The following TMUB1 variants were observed in gnomAD, a reference collection of about 807,000 sequenced individuals.
TMUB1 encodes the protein transmembrane and ubiquitin like domain containing 1.
A neutral mutation model predicts 16.2 loss-of-function variants in TMUB1; 9 were observed. The ratio of observed to expected loss-of-function variants is 0.55; its 90% CI spans 0.33 to 0.97. TMUB1 has a LOEUF of 0.97. Among genes scored for constraint, TMUB1 ranks in the 50% least tolerant of loss-of-function variants. The pLI is 0.03. For synonymous variants in TMUB1, 155 were observed against 152.2 expected, an observed-to-expected ratio of 1.02 and a Z score of -0.13; for missense variants, 309 against 313.5, an observed-to-expected ratio of 0.99 and a Z score of 0.11.
chr7:151,081,514 G>A lies in TMUB1; in HGVS notation c.*35C>T. The A allele has an allele frequency of 6.6e-7, 1 of 1,509,530 alleles. No individual in the cohort carries two copies. Among genetic ancestry groups the A allele is most frequent in the Non-Finnish European group, 8.9e-7 (1 of 1,126,118 alleles). The allele number at this position is 1,509,530 out of a possible 1,614,324, so 93.5% of individuals were successfully genotyped here. A position where few individuals can be genotyped will look rare whatever the true frequency, so the allele number is the denominator to read the frequency against. ...CGCGGCGCGGGGAGCAAGGTCCGGAGGGGCCGGCGACGCTGCCAAGCGCCC... is the reference window on the plus strand; with the variant it reads ...CGCGGCGCGGGGAGCAAGGTCCGGAAGGGCCGGCGACGCTGCCAAGCGCCC... On this transcript the variant is annotated 3_prime_UTR_variant, in exon 3 of 3. Coordinates refer to ENST00000297533, the MANE Select transcript of TMUB1 (RefSeq NM_001136044.2). The surrounding 1 kb of genome is among the most constrained non-coding windows in gnomAD (Gnocchi z 7.6).
chr7:151,082,307 C>T lies in TMUB1; in HGVS notation c.257G>A (p.Ser86Asn), dbSNP rs1399702909. The change falls in exon 2 of 3, where the codon AGC (serine) becomes AAC (asparagine). Residue 86 changes from serine (S) to asparagine (N), a missense_variant. Transcript: ENST00000297533. The surrounding 1 kb of genome is among the most constrained non-coding windows in gnomAD (Gnocchi z 7.0). ...HRGQAAQPEP[S>N]TGFTATPPAP... ...TGGCGGTGTTGCTGTGAACCCCGTG[C>T]TGGGCTCTGGCTGTGCAGCTTGACC... 3.8e-6 allele frequency: 6 copies of T among 1,599,774 alleles called. No homozygotes were observed. Among genetic ancestry groups the T allele is most frequent in the Non-Finnish European group, 5.1e-6 (6 of 1,171,996 alleles).
Position 151,081,455 on chromosome 7 carries a change from G to A in TMUB1, c.*94C>T. 5 of 1,386,590 alleles carry A rather than the reference G, an allele frequency of 3.6e-6. No individual in the cohort carries two copies. Among genetic ancestry groups the A allele is most frequent in the South Asian group, 3.4e-5 (2 of 59,540 alleles). 85.9% of individuals were successfully genotyped at this position (1,386,590 alleles called of 1,614,324 possible). On this transcript the variant is annotated 3_prime_UTR_variant, in exon 3 of 3. Transcript: ENST00000297533. This position sits in a 1 kb window ranked among gnomAD's most constrained non-coding sequence, Gnocchi z 7.6. ...CCAGGGCGGCGGGAAGAGGCAGGCCGGAGAGGCGGGCCTGGGCAGGCAGCA... is the reference window on the plus strand; with the variant it reads ...CCAGGGCGGCGGGAAGAGGCAGGCCAGAGAGGCGGGCCTGGGCAGGCAGCA...
chr7:151,082,787 C>T lies in TMUB1; in HGVS notation c.-30-194G>A, dbSNP rs888037118. 2 of 410,420 alleles carry T rather than the reference C, an allele frequency of 4.9e-6. No homozygotes were observed. Among genetic ancestry groups the T allele is most frequent in the East Asian group, 3.6e-5 (1 of 27,738 alleles). 25.4% of individuals were successfully genotyped at this position (410,420 alleles called of 1,614,324 possible). ...GCCTCCGGGTGCCCCTTCCCATCGC[C>T]GAATCCCAAGTCCTAACTTTCTGTC... On this transcript the variant is annotated intron_variant, in intron 1 of 2. Coordinates refer to ENST00000297533, the MANE Select transcript of TMUB1 (RefSeq NM_001136044.2). This position sits in a 1 kb window ranked among gnomAD's most constrained non-coding sequence, Gnocchi z 7.0.
rs1797989875 is a variant in TMUB1 at position 151,081,633 on chromosome 7, GGGCCGGTACTGGATCT to G, written c.641_656del (p.Gln214ProfsTer5). ...CCAGAGTGGCGGTCAGGGGAAAGAA[GGGCCGGTACTGGATCT>G]GGCAGTACCAGAGCAGCAGCAACAG... On this transcript the variant is annotated frameshift_variant, in exon 3 of 3. Transcript: ENST00000297533. LOFTEE classifies it high-confidence loss of function. This position sits in a 1 kb window ranked among gnomAD's most constrained non-coding sequence, Gnocchi z 7.6. 5 of 1,602,110 alleles carry G rather than the reference GGGCCGGTACTGGATCT, an allele frequency of 3.1e-6. No individual in the cohort carries two copies. The East Asian group carries it at 1.1e-4, about 36-fold the overall frequency.
Position 151,082,955 on chromosome 7 carries a change from G to T in TMUB1, c.-30-362C>A, listed in dbSNP as rs560844770. 5.4e-6 allele frequency: 1 copy of T among 184,264 alleles called. No individual in the cohort carries two copies. Among genetic ancestry groups the T allele is most frequent in the Non-Finnish European group, 1.1e-5 (1 of 89,868 alleles). The allele number at this position is 184,264 out of a possible 1,614,324, so 11.4% of individuals were successfully genotyped here. A position where few individuals can be genotyped will look rare whatever the true frequency, so the allele number is the denominator to read the frequency against. On this transcript the variant is annotated intron_variant, in intron 1 of 2. Coordinates refer to ENST00000297533, the MANE Select transcript of TMUB1 (RefSeq NM_001136044.2). The surrounding 1 kb of genome is among the most constrained non-coding windows in gnomAD (Gnocchi z 7.0). ...CTATTCTCCTGCCCACTTCACCCCA[G>T]TGTGTCTACTCCTTCACCGACTTCA...
chr7:151,082,932 A>G lies in TMUB1; in HGVS notation c.-30-339T>C, dbSNP rs371573527. 87 of 211,686 alleles carry G rather than the reference A, an allele frequency of 4.1e-4. No homozygotes were observed. In the East Asian group the frequency reaches 6.6e-3, roughly 16 times the overall value. The allele number at this position is 211,686 out of a possible 1,614,324, so 13.1% of individuals were successfully genotyped here. ...CCAAACTTCACCCCCAAGCGTATCT[A>G]TTCTCCTGCCCACTTCACCCCAGTG... On this transcript the variant is annotated intron_variant, in intron 1 of 2. Coordinates refer to ENST00000297533, the MANE Select transcript of TMUB1 (RefSeq NM_001136044.2). This position sits in a 1 kb window ranked among gnomAD's most constrained non-coding sequence, Gnocchi z 7.0.
rs1254793528 is a variant in TMUB1 at position 151,082,276 on chromosome 7, C to T, written c.288G>A (p.Pro96=). 7 of 1,589,544 alleles carry T rather than the reference C, an allele frequency of 4.4e-6. No homozygotes were observed. Among genetic ancestry groups the T allele is most frequent in the East Asian group, 2.3e-5 (1 of 44,006 alleles). The change falls in exon 2 of 3, where the codon CCG becomes CCA. Residue 96 remains proline (P), a synonymous_variant. Transcript: ENST00000297533. The surrounding 1 kb of genome is among the most constrained non-coding windows in gnomAD (Gnocchi z 7.0). ...GCACGAGGGGCTCCTGCGGGGAGTC[C>T]GGGGCTGGCGGTGTTGCTGTGAACC... ...STGFTATPPA[P]DSPQEPLVLR... is the part of the protein sequence containing the mutation.
rs374619494 is a variant in TMUB1 at position 151,081,693 on chromosome 7, C to G, written c.597G>C (p.Leu199=). 6.3e-7 allele frequency: 1 copy of G among 1,583,622 alleles called. No individual in the cohort carries two copies. Among genetic ancestry groups the G allele is most frequent in the African/African-American group, 1.3e-5 (1 of 74,616 alleles). Residue 199 remains leucine (L), a synonymous_variant, in exon 3 of 3, where the codon CTG becomes CTC. Coordinates refer to ENST00000297533, the MANE Select transcript of TMUB1 (RefSeq NM_001136044.2). The surrounding 1 kb of genome is among the most constrained non-coding windows in gnomAD (Gnocchi z 7.6). ...GPSGLEIGSL[L]LPLLLLLLLL... ...GCAACAGCAGGAGCAGCAGGGGCAG[C>G]AGCAGGCTGCCGATTTCCAGCCCGG...
In TMUB1 at chr7:151,081,317, A is replaced by T; in HGVS notation, c.*232T>A. On this transcript the variant is annotated 3_prime_UTR_variant, in exon 3 of 3. Transcript: ENST00000297533. This position sits in a 1 kb window ranked among gnomAD's most constrained non-coding sequence, Gnocchi z 7.6. ...GCAGATGCCCGACCCCGAGGAGCCCACTCCCAGTGCGGGCTGAGGGTCAGC... is the reference window on the plus strand; with the variant it reads ...GCAGATGCCCGACCCCGAGGAGCCCTCTCCCAGTGCGGGCTGAGGGTCAGC... 1 of 655,612 alleles carries T rather than the reference A, an allele frequency of 1.5e-6. No individual in the cohort carries two copies. The highest frequency in any genetic ancestry group is 2.1e-6 in the Non-Finnish European group (1 of 486,210). The allele number at this position is 655,612 out of a possible 1,614,324, so 40.6% of individuals were successfully genotyped here. A position where few individuals can be genotyped will look rare whatever the true frequency, so the allele number is the denominator to read the frequency against.
Position 151,081,371 on chromosome 7 carries a change from C to T in TMUB1, c.*178G>A, listed in dbSNP as rs907282107. On this transcript the variant is annotated 3_prime_UTR_variant, in exon 3 of 3. Coordinates refer to ENST00000297533, the MANE Select transcript of TMUB1 (RefSeq NM_001136044.2). This position sits in a 1 kb window ranked among gnomAD's most constrained non-coding sequence, Gnocchi z 7.6. ...CCCGGGAGGTGGCCCCGAGCCCCGG[C>T]GGTCGCAGGGCGGGGCCTCCGCCAG... is the stretch of plus-strand genomic sequence containing the variant. The T allele has an allele frequency of 5.2e-6, 6 of 1,146,268 alleles. No homozygotes were observed. In the South Asian group the frequency reaches 1.9e-4, roughly 37 times the overall value. 71.0% of individuals were successfully genotyped at this position (1,146,268 alleles called of 1,614,324 possible).
rs984727049 is a variant in TMUB1, at chr7:151,082,075, G to A, written c.389+100C>T. ...TGATCTGGGGCGCTCAGCGCCTCCAGTATAAAGGAGGGCTGGGTCTTAGGT... is the reference window on the plus strand; with the variant it reads ...TGATCTGGGGCGCTCAGCGCCTCCAATATAAAGGAGGGCTGGGTCTTAGGT... On this transcript the variant is annotated intron_variant, in intron 2 of 2. Transcript: ENST00000297533. The surrounding 1 kb of genome is among the most constrained non-coding windows in gnomAD (Gnocchi z 7.0). 2.8e-6 allele frequency: 4 copies of A among 1,449,896 alleles called. No homozygotes were observed. In the South Asian group the frequency reaches 4.4e-5, roughly 16 times the overall value. The allele number at this position is 1,449,896 out of a possible 1,614,324, so 89.8% of individuals were successfully genotyped here. A position where few individuals can be genotyped will look rare whatever the true frequency, so the allele number is the denominator to read the frequency against.
chr7:151,081,447 G>A lies in TMUB1; in HGVS notation c.*102C>T. 2.2e-6 allele frequency: 3 copies of A among 1,376,580 alleles called. No individual in the cohort carries two copies. Among genetic ancestry groups the A allele is most frequent in the Non-Finnish European group, 2.8e-6 (3 of 1,065,294 alleles). The allele number at this position is 1,376,580 out of a possible 1,614,324, so 85.3% of individuals were successfully genotyped here. On this transcript the variant is annotated 3_prime_UTR_variant, in exon 3 of 3. Transcript: ENST00000297533. The surrounding 1 kb of genome is among the most constrained non-coding windows in gnomAD (Gnocchi z 7.6). ...GCTGGGCTCCAGGGCGGCGGGAAGA[G>A]GCAGGCCGGAGAGGCGGGCCTGGGC...
rs1797980270 is a variant in TMUB1, at chr7:151,081,392, G to A, written c.*157C>T. ...CCGGCGGTCGCAGGGCGGGGCCTCC[G>A]CCAGTCCCGGGAGTCCTCTGCGGCG... is the stretch of plus-strand genomic sequence containing the variant. On this transcript the variant is annotated 3_prime_UTR_variant, in exon 3 of 3. Coordinates refer to ENST00000297533, the MANE Select transcript of TMUB1 (RefSeq NM_001136044.2). This position sits in a 1 kb window ranked among gnomAD's most constrained non-coding sequence, Gnocchi z 7.6. The A allele has an allele frequency of 7.4e-6, 9 of 1,220,008 alleles. No individual in the cohort carries two copies. The highest frequency in any genetic ancestry group is 3.2e-5 in the African/African-American group (2 of 62,892). The allele number at this position is 1,220,008 out of a possible 1,614,324, so 75.6% of individuals were successfully genotyped here.
Position 151,082,085 on chromosome 7 carries a change from G to C in TMUB1, c.389+90C>G. On this transcript the variant is annotated intron_variant, in intron 2 of 2. Coordinates refer to ENST00000297533, the MANE Select transcript of TMUB1 (RefSeq NM_001136044.2). The surrounding 1 kb of genome is among the most constrained non-coding windows in gnomAD (Gnocchi z 7.0). ...CGCTCAGCGCCTCCAGTATAAAGGA[G>C]GGCTGGGTCTTAGGTGTCTCTGGGG... is the stretch of plus-strand genomic sequence containing the variant. 2.0e-6 allele frequency: 3 copies of C among 1,464,428 alleles called. No homozygotes were observed. Among genetic ancestry groups the C allele is most frequent in the Non-Finnish European group, 2.7e-6 (3 of 1,104,356 alleles). 90.7% of individuals were successfully genotyped at this position (1,464,428 alleles called of 1,614,324 possible).
chr7:151,081,940 G>A lies in TMUB1; in HGVS notation c.390-40C>T. 2 of 1,453,616 alleles carry A rather than the reference G, an allele frequency of 1.4e-6. No homozygotes were observed. The highest frequency in any genetic ancestry group is 9.1e-7 in the Non-Finnish European group (1 of 1,103,956). 90.0% of individuals were successfully genotyped at this position (1,453,616 alleles called of 1,614,324 possible). Reference sequence around the variant, plus strand: ...ACCTGGGTAAGAGAGCAGGCCTCAGGCAATCCTAGTCCCTGGCCCCGGAAC... The same window carrying A: ...ACCTGGGTAAGAGAGCAGGCCTCAGACAATCCTAGTCCCTGGCCCCGGAAC... On this transcript the variant is annotated intron_variant, in intron 2 of 2. Coordinates refer to ENST00000297533, the MANE Select transcript of TMUB1 (RefSeq NM_001136044.2). The surrounding 1 kb of genome is among the most constrained non-coding windows in gnomAD (Gnocchi z 7.6).
chr7:151,082,018 G>T lies in TMUB1; in HGVS notation c.390-118C>A. The T allele has an allele frequency of 7.2e-7, 1 of 1,388,878 alleles. No homozygotes were observed. The highest frequency in any genetic ancestry group is 9.6e-7 in the Non-Finnish European group (1 of 1,044,834). The allele number at this position is 1,388,878 out of a possible 1,614,324, so 86.0% of individuals were successfully genotyped here. Reference sequence around the variant, plus strand: ...ACAACACACCGGCCCTGGCCTGGGAGGGGCCGTCTGCCAGGGGAACAAGTA... The same window carrying T: ...ACAACACACCGGCCCTGGCCTGGGATGGGCCGTCTGCCAGGGGAACAAGTA... On this transcript the variant is annotated intron_variant, in intron 2 of 2. Transcript: ENST00000297533. The surrounding 1 kb of genome is among the most constrained non-coding windows in gnomAD (Gnocchi z 7.0).
Position 151,081,923 on chromosome 7 carries a change from A to G in TMUB1, c.390-23T>C. ...GTCCTGAGGAGAGAGGGACCTGGGT[A>G]AGAGAGCAGGCCTCAGGCAATCCTA... On this transcript the variant is annotated intron_variant, in intron 2 of 2. Transcript: ENST00000297533. The surrounding 1 kb of genome is among the most constrained non-coding windows in gnomAD (Gnocchi z 7.6). 2.1e-5 allele frequency: 31 copies of G among 1,464,478 alleles called. No individual in the cohort carries two copies. Among genetic ancestry groups the G allele is most frequent in the Non-Finnish European group, 2.8e-5 (31 of 1,110,612 alleles). The allele number at this position is 1,464,478 out of a possible 1,614,324, so 90.7% of individuals were successfully genotyped here.
rs1032131827 is a variant in TMUB1, at chr7:151,082,345, G to C, written c.219C>G (p.Ser73Arg). ...RGEAPGAETP[S>R]LRHRGQAAQP... Reference sequence around the variant, plus strand: ...GTGCAGCTTGACCTCTGTGTCTCAGGCTGGGGGTCTCTGCCCCTGGGGCCT... The same window carrying C: ...GTGCAGCTTGACCTCTGTGTCTCAGCCTGGGGGTCTCTGCCCCTGGGGCCT... The change falls in exon 2 of 3, where the codon AGC (serine) becomes AGG (arginine). Residue 73 changes from serine (S) to arginine (R), a missense_variant. Transcript: ENST00000297533. The surrounding 1 kb of genome is among the most constrained non-coding windows in gnomAD (Gnocchi z 7.0). 3.8e-6 allele frequency: 6 copies of C among 1,598,578 alleles called. No individual in the cohort carries two copies. Among genetic ancestry groups the C allele is most frequent in the Non-Finnish European group, 5.1e-6 (6 of 1,171,524 alleles).
At position 151,082,254 on chromosome 7, in the gene TMUB1, C is replaced by A. The variant is rs545537104; in HGVS notation, c.310G>T (p.Val104Leu). Residue 104 changes from valine (V) to leucine (L), a missense_variant, in exon 2 of 3, where the codon GTG (valine) becomes TTG (leucine). By Grantham distance (32) the Val-to-Leu change is conservative. Transcript: ENST00000297533. The surrounding 1 kb of genome is among the most constrained non-coding windows in gnomAD (Gnocchi z 7.0). ...PAPDSPQEPL[V>L]LRLKFLNDSE... Reference sequence around the variant, plus strand: ...TCATTGAGGAATTTCAGCCGTAGCACGAGGGGCTCCTGCGGGGAGTCCGGG... The same window carrying A: ...TCATTGAGGAATTTCAGCCGTAGCAAGAGGGGCTCCTGCGGGGAGTCCGGG... The A allele has an allele frequency of 6.4e-7, 1 of 1,567,398 alleles. No individual in the cohort carries two copies. The highest frequency in any genetic ancestry group is 8.7e-7 in the Non-Finnish European group (1 of 1,155,764).
Sources: gnomAD v4.1 joint callset for allele counts on GRCh38, gnomAD v4.1.1 for gene constraint, Gnocchi (gnomAD v3.1) non-coding constraint, MANE v1.5 for transcripts, NCBI Gene and HGNC (gene_info 2026-07-23, HGNC 2026-07-21) for gene names.